The following ANKS1B variants were observed in gnomAD, a reference collection of about 807,000 sequenced individuals.
ANKS1B encodes ankyrin repeat and sterile alpha motif domain containing 1B, also known as ankyrin repeat and sterile alpha motif domain-containing protein 1B.
Under a neutral mutation model 148.3 loss-of-function variants are expected in ANKS1B, and 36 were observed. The observed-to-expected ratio is 0.24, with a 90% CI of 0.19 to 0.32. ANKS1B has a LOEUF of 0.32. Ranked by LOEUF, ANKS1B falls within the 10% of genes least tolerant of loss-of-function variation. The pLI is 1.00. For missense variants in ANKS1B, 1,157 were observed against 1,542.6 expected (o/e 0.75, Z 4.19); for synonymous variants, 542 against 560.8 (o/e 0.97, Z 0.47).
intron 12 of ANKS1B, among the ~76,000 whole-genome samples, chr12:99,303,602 G>A (rs1373742199): frequency 1.3e-5 from 2 of 152,060 alleles, no homozygotes; most frequent in Middle Eastern, 3.2e-3. Context: ...AGGCAAAGTA[G>A]AAGAACACAG....
At chr12:99,972,780 T>C (rs1406604119) in intron 1 of ANKS1B, among the ~76,000 whole-genome samples, 1 of 152,006 alleles carries the variant, frequency 6.6e-6, no homozygotes, top group Non-Finnish European at 1.5e-5. Context: ...TGGAAGAAGA[T>C]GCCATCTAGG....
chr12:99,648,902 G>A, intron 9 of ANKS1B: 4 of 1,403,304 alleles, frequency 2.9e-6, no homozygotes, highest in Non-Finnish European at 3.8e-6. Flanking sequence ...GCATTTGGAA[G>A]GTCTGAAGGC....
intron 10 of ANKS1B, among the ~76,000 whole-genome samples, chr12:99,458,413 A>G (rs980210475): frequency 6.6e-6 from 1 of 151,628 alleles, no homozygotes; most frequent in African/African-American, 2.4e-5. Context: ...AGAAATAACC[A>G]AGATCGGAGC....
chr12:99,883,268 G>C (rs73374384), intron 1 of ANKS1B, among the ~76,000 whole-genome samples: 8,430 of 152,150 alleles, frequency 0.055, 739 homozygotes, highest in African/African-American at 0.19. Context: ...AAGGTACAAA[G>C]GCAATTCAAT....
chr12:98,791,711 C>T (rs1374485252), intron 22 of ANKS1B, among the ~76,000 whole-genome samples: 1 of 152,194 alleles, frequency 6.6e-6, no homozygotes, highest in Non-Finnish European at 1.5e-5. Context: ...GTGCATGTTA[C>T]TGTGCCCAGC....
At chr12:99,312,962 CA>C (rs1271469332) in intron 12 of ANKS1B, among the ~76,000 whole-genome samples, 5 of 151,774 alleles carry the variant, frequency 3.3e-5, no homozygotes. Flanking sequence ...AAAAACCCTC[CA>C]AAAAATCAAT....
chr12:99,374,524 A>C (rs186875004), intron 12 of ANKS1B, among the ~76,000 whole-genome samples: 43 of 152,202 alleles, frequency 2.8e-4, no homozygotes, highest in Non-Finnish European at 5.0e-4. Flanking sequence ...CTCCGAAATA[A>C]TAGAGTAAAT....
chr12:98,898,132 C>T (rs771505257), intron 17 of ANKS1B, among the ~76,000 whole-genome samples: 45 of 152,212 alleles, frequency 3.0e-4, no homozygotes, highest in Admixed American at 5.2e-4. Flanking sequence ...GGGATGAGTA[C>T]ACTAGAAACC....
intron 2 of ANKS1B, among the ~76,000 whole-genome samples, chr12:99,822,719 T>C (rs2082664008): frequency 1.3e-5 from 2 of 152,226 alleles, no homozygotes; most frequent in Admixed American, 1.3e-4. Context: ...TTCCATGTCT[T>C]TGCTATTGTG....
At chr12:99,198,346 A>C (rs910920033) in intron 14 of ANKS1B, among the ~76,000 whole-genome samples, 2 of 152,164 alleles carry the variant, frequency 1.3e-5, no homozygotes, top group Non-Finnish European at 2.9e-5. Context: ...CTGGTTACTC[A>C]CTTTGAGATT....
At chr12:99,540,468 T>C (rs1392953090) in intron 9 of ANKS1B, among the ~76,000 whole-genome samples, 1 of 152,176 alleles carries the variant, frequency 6.6e-6, no homozygotes, top group Non-Finnish European at 1.5e-5. Flanking sequence ...ATACAAGGTA[T>C]GTTCTCTGAC....
intron 9 of ANKS1B, among the ~76,000 whole-genome samples, chr12:99,604,358 C>T (rs567020588): frequency 1.3e-5 from 2 of 152,046 alleles, no homozygotes; most frequent in Non-Finnish European, 2.9e-5. Context: ...ATCAAATAAG[C>T]CAACTGGCTT....
chr12:99,826,883 G>T (rs7298607), intron 1 of ANKS1B, among the ~76,000 whole-genome samples: 6 of 152,086 alleles, frequency 3.9e-5, no homozygotes, highest in African/African-American at 1.4e-4. Context: ...GGCTGAGGAG[G>T]GAGGTTCACT....
At chr12:99,856,517 T>C (rs1032623262) in intron 1 of ANKS1B, among the ~76,000 whole-genome samples, 13 of 151,976 alleles carry the variant, frequency 8.6e-5, no homozygotes, top group African/African-American at 2.2e-4. Flanking sequence ...GAGGGAATCC[T>C]CCATAAATCA....
At chr12:98,757,966 G>C (rs1211168575) in intron 25 of ANKS1B, among the ~76,000 whole-genome samples, 1 of 152,132 alleles carries the variant, frequency 6.6e-6, no homozygotes, top group Non-Finnish European at 1.5e-5. Context: ...GTGCACACGG[G>C]GTGCAGGTGT....
chr12:99,076,122 A>G (rs1406999387), intron 16 of ANKS1B, among the ~76,000 whole-genome samples: 1 of 152,116 alleles, frequency 6.6e-6, no homozygotes, highest in Non-Finnish European at 1.5e-5. Context: ...TTCAGAATGA[A>G]TGAATAAAGA....
chr12:98,938,373 C>T (rs912025979), intron 17 of ANKS1B, among the ~76,000 whole-genome samples: 5 of 152,124 alleles, frequency 3.3e-5, no homozygotes, highest in South Asian at 2.1e-4. Context: ...TTTTCAACCC[C>T]GGGAGCTTTC....
chr12:99,944,109 T>A (rs566463020), intron 1 of ANKS1B, among the ~76,000 whole-genome samples: 2 of 152,092 alleles, frequency 1.3e-5, no homozygotes, highest in Non-Finnish European at 2.9e-5. Context: ...CTTCAAGAGA[T>A]CTTAGCAGCC....
chr12:98,810,891 G>C (rs1227735878), intron 19 of ANKS1B, among the ~76,000 whole-genome samples: 2 of 152,202 alleles, frequency 1.3e-5, no homozygotes, highest in African/African-American at 4.8e-5. Flanking sequence ...TAAAAAGCCC[G>C]GGGTGGATAA....
Sources: allele counts gnomAD v4.1 joint callset (sites outside exome capture counted in the v4.1 genomes callset), GRCh38; gene constraint gnomAD v4.1.1; transcripts MANE v1.5; gene names NCBI Gene and HGNC (gene_info 2026-07-23, HGNC 2026-07-21).